The following ZNF563 variants were observed in gnomAD, a reference collection of about 807,000 sequenced individuals.
ZNF563 encodes zinc finger protein 563.
Under a neutral mutation model 48.5 loss-of-function variants are expected in ZNF563, and 39 were observed. That is an observed-to-expected ratio of 0.80 (90% CI 0.62 to 1.05). The LOEUF (loss-of-function observed/expected upper bound fraction) is 1.05. Among genes scored for constraint, ZNF563 ranks in the 50% least tolerant of loss-of-function variants. The pLI is 0.00. For missense variants in ZNF563, 538 were observed against 597.0 expected (o/e 0.90, Z 1.03); for synonymous variants, 168 against 187.9 (o/e 0.89, Z 0.87).
intron 3 of ZNF563, among the ~76,000 whole-genome samples, chr19:12,320,754 C>A (rs745601925): frequency 6.6e-6 from 1 of 152,144 alleles, no homozygotes; most frequent in Admixed American, 6.5e-5. Context: ...CTGCCTCAAC[C>A]TCCCAAAGTG....
At chr19:12,339,302 T>TG in the ZNF563 span, among the ~76,000 whole-genome samples, 1 of 136,922 alleles carries the variant, frequency 7.3e-6, no homozygotes, top group Non-Finnish European at 1.6e-5. Context: ...TTTTTTGAGA[T>TG]GGAGTCTCGC....
the ZNF563 span, among the ~76,000 whole-genome samples, chr19:12,345,283 C>A: frequency 6.6e-6 from 1 of 152,254 alleles, no homozygotes; most frequent in African/African-American, 2.4e-5. Flanking sequence ...CCAAAACAAT[C>A]TTGAAAAAGA....
chr19:12,346,450 T>G, the ZNF563 span: 1 of 152,154 alleles, frequency 6.6e-6, no homozygotes, highest in Non-Finnish European at 1.5e-5. Context: ...CCAGTATATG[T>G]GACAATGTGG....
intron 1 of ZNF563, among the ~76,000 whole-genome samples, chr19:12,329,861 C>T (rs1423149520): frequency 6.6e-6 from 1 of 152,044 alleles, no homozygotes; most frequent in African/African-American, 2.4e-5. Flanking sequence ...GATCCCAATT[C>T]TCTACAATAT....
At chr19:12,337,209 C>G (rs74848019), upstream of ZNF563, among the ~76,000 whole-genome samples, 2 of 151,492 alleles carry the variant, frequency 1.3e-5, no homozygotes, top group South Asian at 2.1e-4. Context: ...GCTTATTTCT[C>G]TCTTTTTTTT....
intron 1 of ZNF563, among the ~76,000 whole-genome samples, chr19:12,331,029 G>C (rs1314570670): frequency 7.9e-5 from 12 of 152,032 alleles, no homozygotes; most frequent in Non-Finnish European, 7.4e-5. Context: ...TACTACACAG[G>C]CTCTGTGTAG....
In ZNF563 at chr19:12,322,644, G is replaced by A. The variant is rs749433993; in HGVS notation, c.71C>T (p.Ser24Leu). ...CACATATCTGTATAAATTCTTCTGT[G>A]ATGGACCCAGCAAAGCCCATTCCTC... is the stretch of plus-strand genomic sequence containing the variant. ...TQEEWALLGP[S>L]QKNLYRYVMQ... Residue 24 changes from serine (S) to leucine (L), a missense_variant, in exon 2 of 4, where the codon TCA becomes TTA. Physicochemically the swap from Ser to Leu is moderately radical, Grantham distance 145. Coordinates refer to ENST00000293725, the MANE Select transcript of ZNF563 (RefSeq NM_145276.3). The A allele has an allele frequency of 6.2e-7, 1 of 1,610,404 alleles. No individual in the cohort carries two copies. The highest frequency in any genetic ancestry group is 1.1e-5 in the South Asian group (1 of 90,984).
chr19:12,342,175 A>C, the ZNF563 span, among the ~76,000 whole-genome samples: 1 of 151,764 alleles, frequency 6.6e-6, no homozygotes, highest in African/African-American at 2.4e-5. Context: ...ATGCCATCAC[A>C]CCTGGCTAAT....
chr19:12,334,477 T>A (rs954938523), upstream of ZNF563, among the ~76,000 whole-genome samples: 2 of 152,074 alleles, frequency 1.3e-5, no homozygotes, highest in Admixed American at 1.3e-4. Context: ...AGGATTTGAC[T>A]CTGGGAGCTC....
rs1464667522 is a variant in ZNF563 at position 12,318,739 on chromosome 19, G to A, written c.1286C>T (p.Ala429Val). The A allele has an allele frequency of 1.9e-6, 3 of 1,614,210 alleles. No homozygotes were observed. Among genetic ancestry groups the A allele is most frequent in the Admixed American group, 1.7e-5 (1 of 60,032 alleles). The part of the protein sequence containing the change: ...KPYECKQCGK[A>V]LSHSSSFRRH... ...TCGAAAGCTTGAGCTATGAGATAACGCTTTCCCACACTGCTTGCATTCATA... is the reference window on the plus strand; with the variant it reads ...TCGAAAGCTTGAGCTATGAGATAACACTTTCCCACACTGCTTGCATTCATA... The change falls in exon 4 of 4, where the codon GCG becomes GTG. Residue 429 changes from alanine (A) to valine (V), a missense_variant. Coordinates refer to ENST00000293725, the MANE Select transcript of ZNF563 (RefSeq NM_145276.3).
chr19:12,328,460 C>A (rs1283061202), intron 1 of ZNF563, among the ~76,000 whole-genome samples: 2 of 152,160 alleles, frequency 1.3e-5, no homozygotes, highest in East Asian at 1.9e-4. Flanking sequence ...GTGTGACAGA[C>A]CACCACCCTG....
chr19:12,319,170 C>T lies in ZNF563; in HGVS notation c.855G>A (p.Gln285=), dbSNP rs552541943. 4 of 1,614,078 alleles carry T rather than the reference C, an allele frequency of 2.5e-6. No individual in the cohort carries two copies. The highest frequency in any genetic ancestry group is 1.7e-5 in the Admixed American group (1 of 60,006). ...TGGAAACACTGAAGGCTTTCCCACACTGTTTACATGTATATGGTTTCTCTC... is the reference window on the plus strand; with the variant it reads ...TGGAAACACTGAAGGCTTTCCCACATTGTTTACATGTATATGGTTTCTCTC... ...HTGEKPYTCK[Q]CGKAFSVSSS... Residue 285 remains glutamine, a synonymous_variant, in exon 4 of 4, where the codon CAG becomes CAA. Coordinates refer to ENST00000293725, the MANE Select transcript of ZNF563 (RefSeq NM_145276.3).
At chr19:12,322,331 G>A (rs948727612) in intron 2 of ZNF563, among the ~76,000 whole-genome samples, 1 of 152,176 alleles carries the variant, frequency 6.6e-6, no homozygotes, top group South Asian at 2.1e-4. Context: ...TGGGATTACA[G>A]GTGTGAGCCA....
At chr19:12,331,384 C>T (rs976827889) in intron 1 of ZNF563, among the ~76,000 whole-genome samples, 6 of 152,060 alleles carry the variant, frequency 3.9e-5, no homozygotes, top group South Asian at 2.1e-4. Flanking sequence ...CACCAGATAC[C>T]GCACTGTGTA....
At chr19:12,319,879 ATTAT>A (rs1968562710) in intron 3 of ZNF563, 46 bp from the exon 4 acceptor site, 13 of 1,527,460 alleles carry the variant, frequency 8.5e-6, no homozygotes, top group African/African-American at 1.4e-5. Context: ...TTTCTAAATG[ATTAT>A]TTATTTATGT....
At chr19:12,323,646 T>C (rs184677718) in intron 1 of ZNF563, among the ~76,000 whole-genome samples, 120 of 152,314 alleles carry the variant, frequency 7.9e-4, no homozygotes, top group African/African-American at 2.8e-3. Flanking sequence ...ATATTGTTCC[T>C]TATAAATTAT....
At chr19:12,345,124 T>C in the ZNF563 span, among the ~76,000 whole-genome samples, 2 of 152,176 alleles carry the variant, frequency 1.3e-5, no homozygotes, top group African/African-American at 4.8e-5. Flanking sequence ...TGTTCATGGA[T>C]TCCAAGACTT....
At chr19:12,343,273 T>C in the ZNF563 span, among the ~76,000 whole-genome samples, 1 of 151,928 alleles carries the variant, frequency 6.6e-6, no homozygotes, top group South Asian at 2.1e-4. Flanking sequence ...TTTAAGGAAC[T>C]AGAAAAGGAA....
At chr19:12,343,070 A>G in the ZNF563 span, among the ~76,000 whole-genome samples, 1 of 151,584 alleles carries the variant, frequency 6.6e-6, no homozygotes, top group Non-Finnish European at 1.5e-5. Flanking sequence ...GGTGGCAAGC[A>G]CCTGTAATCC....
Sources: allele counts gnomAD v4.1 joint callset (sites outside exome capture counted in the v4.1 genomes callset), GRCh38; gene constraint gnomAD v4.1.1; transcripts MANE v1.5; gene names NCBI Gene and HGNC (gene_info 2026-07-23, HGNC 2026-07-21).